The following RNF187 variants were observed in gnomAD, a reference collection of about 807,000 sequenced individuals.
RNF187 encodes E3 ubiquitin-protein ligase RNF187.
Under a neutral mutation model 22.2 loss-of-function variants are expected in RNF187, and 18 were observed. That is an observed-to-expected ratio of 0.81 (90% CI 0.56 to 1.20). The LOEUF (loss-of-function observed/expected upper bound fraction) is 1.20. RNF187 is among the 50% of genes most tolerant of loss of function. The pLI, the probability that RNF187 is intolerant of heterozygous loss-of-function variation, is 0.00. For synonymous variants in RNF187, 164 were observed against 140.9 expected, an observed-to-expected ratio of 1.16 and a Z score of -1.16; for missense variants, 329 against 317.6, an observed-to-expected ratio of 1.04 and a Z score of -0.27.
chr1:228,490,980 A>T lies in RNF187; in HGVS notation c.483+1928A>T. 3.8e-4 allele frequency among the ~76,000 whole-genome samples: 58 copies of T among 152,058 alleles called. 1 individual carries two copies. The highest frequency in any genetic ancestry group is 5.7e-4 in the Non-Finnish European group (39 of 68,004). On this transcript the variant is annotated intron_variant, in intron 2 of 3. Transcript: ENST00000305943. ...TTTACTGTCCCCTTGGCCATGGGAGATGGGAGAGGGACAGTCTTCCTGTGC... is the reference window on the plus strand; with the variant it reads ...TTTACTGTCCCCTTGGCCATGGGAGTTGGGAGAGGGACAGTCTTCCTGTGC...
In RNF187 at chr1:228,493,872, C is replaced by T; in HGVS notation, c.706-11C>T. 2.9e-4 allele frequency: 447 copies of T among 1,551,738 alleles called. No individual in the cohort carries two copies. The highest frequency in any genetic ancestry group is 3.5e-4 in the Non-Finnish European group (402 of 1,146,954). On this transcript the variant is annotated splice_polypyrimidine_tract_variant and intron_variant, in intron 3 of 3. Transcript: ENST00000305943. This position sits in a 1 kb window ranked among gnomAD's most constrained non-coding sequence, Gnocchi z 4.7. ...TTGTCTCTCTGTCTTTCCCTCTCCC[C>T]TCCCATGCAGTGATGGCGCCAACCC...
At position 228,496,064 on chromosome 1, in the gene RNF187, A is replaced by C; in HGVS notation, c.*2179A>C. Reference sequence around the variant, plus strand: ...TCACCATGCTGTGCAATAGACCTTGAGTTTATTCTTGTATAGCAGGGACTC... The same window carrying C: ...TCACCATGCTGTGCAATAGACCTTGCGTTTATTCTTGTATAGCAGGGACTC... On this transcript the variant is annotated 3_prime_UTR_variant, in exon 4 of 4. Coordinates refer to ENST00000305943, the MANE Select transcript of RNF187 (RefSeq NM_001010858.3). 0.012 allele frequency among the ~76,000 whole-genome samples: 1,900 copies of C among 152,296 alleles called. 40 individuals are homozygous for C. The highest frequency in any genetic ancestry group is 0.043 in the African/African-American group (1,799 of 41,554).
chr1:228,489,135 G>C, intron 2 of RNF187, 83 bp downstream of exon 2: 2 of 1,195,806 alleles, frequency 1.7e-6, no homozygotes, highest in African/African-American at 3.0e-5. Flanking sequence ...AGGCCAAGTG[G>C]GCCAGGCCTC....
At position 228,493,383 on chromosome 1, in the gene RNF187, A is replaced by G; in HGVS notation, c.705+109A>G. On this transcript the variant is annotated intron_variant, in intron 3 of 3. Transcript: ENST00000305943. The surrounding 1 kb of genome is among the most constrained non-coding windows in gnomAD (Gnocchi z 4.7). ...AGTCAAGGCTTAAAAGCCCAGCCTG[A>G]CTCCCACTGCCGTGGCCTTGCAGGG... 2.1e-6 allele frequency: 3 copies of G among 1,448,428 alleles called. No individual in the cohort carries two copies. Among genetic ancestry groups the G allele is most frequent in the Non-Finnish European group, 9.1e-7 (1 of 1,098,536 alleles). 89.7% of individuals were successfully genotyped at this position (1,448,428 alleles called of 1,614,324 possible). A position where few individuals can be genotyped will look rare whatever the true frequency, so the allele number is the denominator to read the frequency against.
At chr1:228,490,315 T>C in intron 2 of RNF187, among the ~76,000 whole-genome samples, 2 of 152,342 alleles carry the variant, frequency 1.3e-5, no homozygotes, top group East Asian at 3.9e-4. Flanking sequence ...GGGTCCCTGA[T>C]GCCACTCAGA....
In RNF187 at chr1:228,494,652, C is replaced by G; in HGVS notation, c.*767C>G. 3 of 985,394 alleles carry G rather than the reference C, an allele frequency of 3.0e-6. No individual in the cohort carries two copies. The highest frequency in any genetic ancestry group is 3.6e-6 in the Non-Finnish European group (3 of 830,084). The allele number at this position is 985,394 out of a possible 1,614,324, so 61.0% of individuals were successfully genotyped here. A position where few individuals can be genotyped will look rare whatever the true frequency, so the allele number is the denominator to read the frequency against. Reference sequence around the variant, plus strand: ...ATCGTGTCTCATCTTGCTGTTATCTCTAGCTCTTTCCCTCCTCCCATTTCC... The same window carrying G: ...ATCGTGTCTCATCTTGCTGTTATCTGTAGCTCTTTCCCTCCTCCCATTTCC... On this transcript the variant is annotated 3_prime_UTR_variant, in exon 4 of 4. Coordinates refer to ENST00000305943, the MANE Select transcript of RNF187 (RefSeq NM_001010858.3).
chr1:228,489,184 G>A, intron 2 of RNF187, 132 bp downstream of exon 2: 1 of 641,740 alleles, frequency 1.6e-6, no homozygotes, highest in Non-Finnish European at 2.7e-6. Context: ...GGGGCCTCTG[G>A]ACTTAAGTGA....
At position 228,487,594 on chromosome 1, in the gene RNF187, G is replaced by A; in HGVS notation, c.106G>A (p.Val36Met). Residue 36 changes from valine to methionine, a missense_variant, in exon 1 of 4, where the codon GTG (valine) becomes ATG (methionine). Coordinates refer to ENST00000305943, the MANE Select transcript of RNF187 (RefSeq NM_001010858.3). ...CGGCCACCGCTTCTGTCGGGCGTGCGTGGTGCGCTTCTGGGCCGAGGAGGA... is the reference window on the plus strand; with the variant it reads ...CGGCCACCGCTTCTGTCGGGCGTGCATGGTGCGCTTCTGGGCCGAGGAGGA... The A allele has an allele frequency of 7.8e-7, 1 of 1,274,208 alleles. No homozygotes were observed. 78.9% of individuals were successfully genotyped at this position (1,274,208 alleles called of 1,614,324 possible).
At position 228,487,846 on chromosome 1, in the gene RNF187, G is replaced by C. The variant is rs900365918; in HGVS notation, c.358G>C (p.Glu120Gln). 4 of 1,232,170 alleles carry C rather than the reference G, an allele frequency of 3.2e-6. No individual in the cohort carries two copies. In the Admixed American group the frequency reaches 1.7e-4, roughly 51 times the overall value. 76.3% of individuals were successfully genotyped at this position (1,232,170 alleles called of 1,614,324 possible). ...TGCGGGCCCCGAGCCGCCCGAGTGG[G>C]AACCGCGCTGGAGGAAGGCGCTGCG... The change falls in exon 1 of 4, where the codon GAA becomes CAA. Residue 120 changes from glutamate to glutamine, a missense_variant. Physicochemically the swap from Glu to Gln is conservative, Grantham distance 29 (BLOSUM62 2). Transcript: ENST00000305943.
Position 228,487,506 on chromosome 1 carries a change from C to A in RNF187, c.18C>A (p.Gly6=). Residue 6 remains glycine, a synonymous_variant, in exon 1 of 4, where the codon GGC becomes GGA. Coordinates refer to ENST00000305943, the MANE Select transcript of RNF187 (RefSeq NM_001010858.3). ...CCGCAGCCCTGGCGCTCCCTGCGGG[C>A]CCCGCCGAGGCCGCCTGCGCCCTGT... 8.7e-7 allele frequency: 1 copy of A among 1,143,002 alleles called. No individual in the cohort carries two copies. The highest frequency in any genetic ancestry group is 1.1e-6 in the Non-Finnish European group (1 of 934,088). The allele number at this position is 1,143,002 out of a possible 1,614,324, so 70.8% of individuals were successfully genotyped here.
intron 2 of RNF187, among the ~76,000 whole-genome samples, chr1:228,491,126 G>T: frequency 6.6e-6 from 1 of 152,130 alleles, no homozygotes. Flanking sequence ...AGTGGTTCAT[G>T]CCTGTAATCC....
At chr1:228,489,587 G>A in intron 2 of RNF187, among the ~76,000 whole-genome samples, 2 of 151,934 alleles carry the variant, frequency 1.3e-5, no homozygotes, top group African/African-American at 4.8e-5. Context: ...TTCTTTTTTA[G>A]AACACATCTG....
intron 1 of RNF187, among the ~76,000 whole-genome samples, chr1:228,488,732 A>C: frequency 4.6e-5 from 7 of 152,164 alleles, no homozygotes; most frequent in African/African-American, 1.4e-4. Flanking sequence ...TCCTAAACCC[A>C]CCTAGACAGT....
In RNF187 at chr1:228,487,470, G is replaced by C. The variant is rs1334416161; in HGVS notation, c.-19G>C. On this transcript the variant is annotated 5_prime_UTR_variant, in exon 1 of 4. Transcript: ENST00000305943. ...CCCCAGCCGCTCCTGCGCCCTTGCC[G>C]GCCCCGCCGCCCGCAGCCCTGGCGC... 4.5e-6 allele frequency: 5 copies of C among 1,109,476 alleles called. No homozygotes were observed. Among genetic ancestry groups the C allele is most frequent in the African/African-American group, 1.7e-5 (1 of 59,986 alleles). The allele number at this position is 1,109,476 out of a possible 1,614,324, so 68.7% of individuals were successfully genotyped here. A position where few individuals can be genotyped will look rare whatever the true frequency, so the allele number is the denominator to read the frequency against.
intron 1 of RNF187, chr1:228,488,103 C>A: frequency 5.3e-6 from 1 of 189,108 alleles, no homozygotes. Context: ...TCCTGCGTCT[C>A]TTCGGAGTCT....
At chr1:228,492,090 G>A in intron 2 of RNF187, among the ~76,000 whole-genome samples, 1 of 151,638 alleles carries the variant, frequency 6.6e-6, no homozygotes, top group Non-Finnish European at 1.5e-5. Context: ...TGCTCTGTTG[G>A]CCCAGGCTGG....
chr1:228,488,845 A>C, intron 1 of RNF187, 115 bp from the exon 2 acceptor site: 1 of 802,016 alleles, frequency 1.2e-6, no homozygotes, highest in Non-Finnish European at 2.0e-6. Context: ...CTTCGAGGTT[A>C]TCTCTGGGAT....
In RNF187 at chr1:228,492,548, C is replaced by T; in HGVS notation, c.484-505C>T. On this transcript the variant is annotated intron_variant, in intron 2 of 3. Coordinates refer to ENST00000305943, the MANE Select transcript of RNF187 (RefSeq NM_001010858.3). ...GGTTGGCCAGGATGGTCTTAATCTC[C>T]GGACCTCATGTTCTGTCTGCCTCAG... Among the ~76,000 whole-genome samples the T allele has an allele frequency of 2.5e-3, 377 of 149,018 alleles. 2 individuals carry two copies. The highest frequency in any genetic ancestry group is 6.2e-4 in the Non-Finnish European group (42 of 67,574).
In RNF187 at chr1:228,493,025, C is replaced by T; in HGVS notation, c.484-28C>T. 4 of 1,520,458 alleles carry T rather than the reference C, an allele frequency of 2.6e-6. No individual in the cohort carries two copies. The highest frequency in any genetic ancestry group is 3.5e-6 in the Non-Finnish European group (4 of 1,128,332). 94.2% of individuals were successfully genotyped at this position (1,520,458 alleles called of 1,614,324 possible). A position where few individuals can be genotyped will look rare whatever the true frequency, so the allele number is the denominator to read the frequency against. On this transcript the variant is annotated intron_variant, in intron 2 of 3. Coordinates refer to ENST00000305943, the MANE Select transcript of RNF187 (RefSeq NM_001010858.3). The surrounding 1 kb of genome is among the most constrained non-coding windows in gnomAD (Gnocchi z 4.7). ...CCCCTGGGGAGGGTGGGTGAGGACA[C>T]AGGTCTTTTCCTGCCACCCGTTTGC...
Sources: allele counts gnomAD v4.1 joint callset (sites outside exome capture counted in the v4.1 genomes callset), GRCh38; gene constraint gnomAD v4.1.1; non-coding constraint Gnocchi (gnomAD v3.1); transcripts MANE v1.5; gene names NCBI Gene and HGNC (gene_info 2026-07-23, HGNC 2026-07-21).